ARID2: variants seen among roughly 807,000 people sequenced by gnomAD.
ARID2 encodes the protein AT-rich interactive domain-containing protein 2.
A neutral mutation model predicts 184.6 loss-of-function variants in ARID2; 32 were observed. The observed-to-expected ratio is 0.17, with a 90% confidence interval of 0.13 to 0.23. ARID2 has a LOEUF of 0.23. Among genes scored for constraint, ARID2 ranks in the 10% least tolerant of loss-of-function variants. ARID2 has a pLI of 1.00. For missense variants in ARID2, 1,696 were observed against 2,197.6 expected (o/e 0.77, Z 4.56); for synonymous variants, 836 against 772.6 (o/e 1.08, Z -1.36).
At position 45,748,120 on chromosome 12, in the gene ARID2, T is replaced by G. The variant is rs141969148; in HGVS notation, c.284+16806T>G. Reference sequence around the variant, plus strand: ...CTCAACGCCTGTAGGCCCAGCACTTTGTGAGGCTGAGGCAGGAGGATTGCT... The same window carrying G: ...CTCAACGCCTGTAGGCCCAGCACTTGGTGAGGCTGAGGCAGGAGGATTGCT... On this transcript the variant is annotated intron_variant, in intron 3 of 20. Transcript: ENST00000334344. Among the ~76,000 whole-genome samples, 499 of 152,262 alleles carry G rather than the reference T, an allele frequency of 3.3e-3. 2 individuals carry two copies. The highest frequency in any genetic ancestry group is 0.011 in the African/African-American group (472 of 41,560).
intron 15 of ARID2, among the ~76,000 whole-genome samples, chr12:45,856,064 TTTC>T (rs1943641973): frequency 7.0e-6 from 1 of 143,042 alleles, no homozygotes; most frequent in African/African-American, 2.7e-5. Context: ...TCTTTCTTCT[TTTC>T]TTTTTTTTTT....
chr12:45,826,284 T>C (rs1453599305), intron 6 of ARID2, among the ~76,000 whole-genome samples: 2 of 152,160 alleles, frequency 1.3e-5, no homozygotes, highest in Non-Finnish European at 2.9e-5. Context: ...AATAGGAACC[T>C]ATAATGTCTC....
chr12:45,850,602 C>G lies in ARID2; in HGVS notation c.2479C>G (p.Gln827Glu). ...QGQQLITTSP[Q>E]PVQTSSQQTS... ...TCAACAGTTAATCACCACATCACCC[C>G]AACCTGTGCAAACTTCATCTCAACA... The change falls in exon 15 of 21, where the codon CAA (glutamine) becomes GAA (glutamate). Residue 827 changes from glutamine (Q) to glutamate (E), a missense_variant. Coordinates refer to ENST00000334344, the MANE Select transcript of ARID2 (RefSeq NM_152641.4). 2 of 1,614,124 alleles carry G rather than the reference C, an allele frequency of 1.2e-6. No homozygotes were observed. Among genetic ancestry groups the G allele is most frequent in the Non-Finnish European group, 1.7e-6 (2 of 1,179,990 alleles).
At chr12:45,742,328 T>G (rs1018493748) in intron 3 of ARID2, among the ~76,000 whole-genome samples, 5 of 152,230 alleles carry the variant, frequency 3.3e-5, no homozygotes, top group African/African-American at 1.2e-4. Context: ...TATACTTGCT[T>G]GCAGTATTTG....
At chr12:45,745,724 A>G (rs1169373801) in intron 3 of ARID2, among the ~76,000 whole-genome samples, 2 of 151,864 alleles carry the variant, frequency 1.3e-5, no homozygotes, top group African/African-American at 2.4e-5. Flanking sequence ...ATTTTTTTGT[A>G]CGTTTAGTAG....
chr12:45,860,954 A>T lies in ARID2; in HGVS notation c.4922+5A>T. 1 of 1,535,902 alleles carries T rather than the reference A, an allele frequency of 6.5e-7. No homozygotes were observed. Among genetic ancestry groups the T allele is most frequent in the Non-Finnish European group, 8.8e-7 (1 of 1,142,404 alleles). On this transcript the variant is annotated splice_donor_5th_base_variant and intron_variant, in intron 16 of 20. Coordinates refer to ENST00000334344, the MANE Select transcript of ARID2 (RefSeq NM_152641.4). ...TCTGTGGCAGTCTTGTAAAAAGTAA[A>T]TGGCAATTTTATTTGATATATAAAA...
intron 20 of ARID2, among the ~76,000 whole-genome samples, chr12:45,898,528 G>A (rs1259863695): frequency 5.3e-5 from 8 of 152,182 alleles, no homozygotes; most frequent in Non-Finnish European, 8.8e-5. Context: ...AATGGGTATT[G>A]GGTTTCTTTT....
chr12:45,890,190 T>C (rs936340698), intron 16 of ARID2, among the ~76,000 whole-genome samples: 2 of 152,208 alleles, frequency 1.3e-5, no homozygotes, highest in African/African-American at 4.8e-5. Context: ...AATGAACACT[T>C]AAAAATATCT....
At chr12:45,738,850 G>T (rs951636442) in intron 3 of ARID2, among the ~76,000 whole-genome samples, 22 of 123,694 alleles carry the variant, frequency 1.8e-4, no homozygotes, top group Non-Finnish European at 3.0e-4. Context: ...AGCCTTAAGT[G>T]TCAGCCACAG....
intron 3 of ARID2, among the ~76,000 whole-genome samples, chr12:45,752,873 C>T (rs1022342653): frequency 4.6e-5 from 7 of 152,336 alleles, no homozygotes; most frequent in East Asian, 3.9e-4. Context: ...AGGAAGTCAT[C>T]GGGGATACTG....
intron 15 of ARID2, among the ~76,000 whole-genome samples, chr12:45,853,515 A>G (rs115635688): frequency 0.015 from 2,303 of 152,266 alleles, 64 homozygotes; most frequent in African/African-American, 0.052. Flanking sequence ...AATGCCTAAG[A>G]TTCCATCTCT....
intron 3 of ARID2, among the ~76,000 whole-genome samples, chr12:45,746,754 C>T (rs1941363446): frequency 6.6e-6 from 1 of 151,980 alleles, no homozygotes; most frequent in Non-Finnish European, 1.5e-5. Flanking sequence ...CAGGTTCACA[C>T]AGTAAGTTCT....
At chr12:45,763,326 C>T (rs1005912916) in intron 3 of ARID2, among the ~76,000 whole-genome samples, 6 of 151,898 alleles carry the variant, frequency 4.0e-5, no homozygotes, top group Admixed American at 6.6e-5. Flanking sequence ...AAAAATTAGC[C>T]GGGCGTGGAG....
At position 45,850,368 on chromosome 12, in the gene ARID2, A is replaced by G. The variant is rs572825593; in HGVS notation, c.2245A>G (p.Thr749Ala). The change falls in exon 15 of 21, where the codon ACA becomes GCA. Residue 749 changes from threonine (T) to alanine (A), a missense_variant. Thr to Ala is a moderately conservative substitution (Grantham distance 58). This residue lies in a region of ARID2 where 713 missense variants were observed against 824.4 expected (regional missense o/e 0.86). Coordinates refer to ENST00000334344, the MANE Select transcript of ARID2 (RefSeq NM_152641.4). ...PQSSVVQNHS[T>A]GPQPVTVVNS... ...GAGTTCTGTTGTTCAGAATCATAGT[A>G]CAGGGCCACAACCTGTTACAGTTGT... is the stretch of plus-strand genomic sequence containing the variant. The G allele has an allele frequency of 1.9e-6, 3 of 1,614,100 alleles. No homozygotes were observed. The South Asian group carries it at 3.3e-5, about 18-fold the overall frequency.
intron 3 of ARID2, among the ~76,000 whole-genome samples, chr12:45,808,159 C>A (rs2138077440): frequency 1.3e-5 from 2 of 152,290 alleles, no homozygotes; most frequent in Middle Eastern, 6.8e-3. Flanking sequence ...CACAGTAGAT[C>A]TGTTGATATG....
At chr12:45,846,596 T>A (rs60704221) in intron 11 of ARID2, among the ~76,000 whole-genome samples, 1 of 152,240 alleles carries the variant, frequency 6.6e-6, no homozygotes, top group African/African-American at 2.4e-5. Flanking sequence ...ATTAACTAAA[T>A]CATCCATATT....
chr12:45,852,035 A>G lies in ARID2; in HGVS notation c.3912A>G (p.Leu1304=), dbSNP rs371091017. ...LNGRKYSDSS[L]PPSNSGKIQS... ...GGAGAAAGTACAGTGACTCAAGTCT[A>G]CCTCCTTCAAACTCAGGGAAAATTC... The change falls in exon 15 of 21, where the codon CTA becomes CTG. Residue 1304 remains leucine (L), a synonymous_variant. Transcript: ENST00000334344. 6.8e-6 allele frequency: 11 copies of G among 1,613,942 alleles called. No individual in the cohort carries two copies. Among genetic ancestry groups the G allele is most frequent in the African/African-American group, 1.3e-5 (1 of 74,912 alleles).
intron 4 of ARID2, among the ~76,000 whole-genome samples, chr12:45,815,942 T>C (rs999374794): frequency 3.3e-5 from 5 of 152,200 alleles, no homozygotes; most frequent in Admixed American, 3.3e-4. Context: ...ATTATAGGCA[T>C]GAGCCACCAT....
rs1944307714 is a variant in ARID2, at chr12:45,892,002, C to T, written c.5062-9C>T. 1 of 1,613,774 alleles carries T rather than the reference C, an allele frequency of 6.2e-7. No individual in the cohort carries two copies. Among genetic ancestry groups the T allele is most frequent in the Non-Finnish European group, 8.5e-7 (1 of 1,179,966 alleles). On this transcript the variant is annotated splice_polypyrimidine_tract_variant and intron_variant, in intron 17 of 20. Coordinates refer to ENST00000334344, the MANE Select transcript of ARID2 (RefSeq NM_152641.4). ...CGTGCCATTCTCTTGCTTCCTCTTCCTCAAAAAGGATAAGCACTGTTCAAA... is the reference window on the plus strand; with the variant it reads ...CGTGCCATTCTCTTGCTTCCTCTTCTTCAAAAAGGATAAGCACTGTTCAAA...
Sources: allele counts gnomAD v4.1 joint callset (sites outside exome capture counted in the v4.1 genomes callset), GRCh38; gene constraint gnomAD v4.1.1; regional missense constraint gnomAD v4.1.1; transcripts MANE v1.5; gene names NCBI Gene and HGNC (gene_info 2026-07-23, HGNC 2026-07-21).